HELB: variants seen among roughly 807,000 people sequenced by gnomAD.
HELB encodes DNA 5'-3' helicase B.
In HELB, 96 loss-of-function variants were observed where a neutral mutation model predicts 101.7. That is an observed-to-expected ratio of 0.94 (90% CI 0.80 to 1.12). HELB has a LOEUF of 1.12. HELB is among the 50% of genes most tolerant of loss of function. HELB has a pLI of 0.00. For synonymous variants in HELB, 437 were observed against 459.7 expected (o/e 0.95, Z 0.63); for missense variants, 1,210 against 1,291.9 (o/e 0.94, Z 0.97).
chr12:66,304,965 T>A lies in HELB; in HGVS notation c.422T>A (p.Val141Asp). ...GAGTGTGAGGTCTCCAGTGATGATG[T>A]TAATAAATTTTTAACATGGGTAAAG... Reference protein sequence around the residue: ...LKECEVSSDDVNKFLTWVKEV... With the variant: ...LKECEVSSDDDNKFLTWVKEV... Residue 141 changes from valine (V) to aspartate (D), a missense_variant, in exon 2 of 13, where the codon GTT (valine) becomes GAT (aspartate). Val to Asp is a radical substitution (Grantham distance 152, BLOSUM62 -3). Around this residue, in one of 2 missense-constraint regions of HELB, gnomAD observed 470 missense variants for 563.1 expected, o/e 0.83. Transcript: ENST00000247815. 3.7e-6 allele frequency: 6 copies of A among 1,614,056 alleles called. No individual in the cohort carries two copies. Among genetic ancestry groups the A allele is most frequent in the Non-Finnish European group, 5.1e-6 (6 of 1,179,964 alleles).
chr12:66,310,616 C>T lies in HELB; in HGVS notation c.1680+8C>T. The stretch of plus-strand genomic sequence containing the variant: ...GCCTACACACTGTGTCAGGTAAAAC[C>T]TTTGACATTTCATCTGTAGATAAAA... On this transcript the variant is annotated splice_region_variant and intron_variant, in intron 4 of 12. Transcript: ENST00000247815. 1 of 1,598,862 alleles carries T rather than the reference C, an allele frequency of 6.3e-7. No homozygotes were observed. Among genetic ancestry groups the T allele is most frequent in the Non-Finnish European group, 8.5e-7 (1 of 1,174,052 alleles).
At chr12:66,339,622 A>G (rs1466508834), downstream of HELB, 1 of 152,230 alleles carries the variant, frequency 6.6e-6, no homozygotes, top group African/African-American at 2.4e-5. Flanking sequence ...TTAGCTGGGA[A>G]TGGTGGCGCA....
At chr12:66,316,791 G>A (rs1028853057) in intron 6 of HELB, among the ~76,000 whole-genome samples, 11 of 151,712 alleles carry the variant, frequency 7.3e-5, no homozygotes, top group Non-Finnish European at 1.2e-4. Flanking sequence ...AGGCCGAGGC[G>A]GGTGGATCAC....
chr12:66,306,950 A>G lies in HELB; in HGVS notation c.777+436A>G, dbSNP rs185634112. On this transcript the variant is annotated intron_variant, in intron 3 of 12. Transcript: ENST00000247815. ...GAACTATTGACAATTTTCATTATTC[A>G]TGTGGTATATCATGGTGTCATTTGA... Among the ~76,000 whole-genome samples, 665 of 152,226 alleles carry G rather than the reference A, an allele frequency of 4.4e-3. 13 individuals carry two copies. Among genetic ancestry groups the G allele is most frequent in the Non-Finnish European group, 1.5e-3 (104 of 68,010 alleles).
rs1263161757 is a variant in HELB at position 66,318,516 on chromosome 12, A to T, written c.2001-122A>T. The T allele has an allele frequency of 8.5e-6, 7 of 827,904 alleles. No homozygotes were observed. The East Asian group carries it at 2.0e-4, about 24-fold the overall frequency. 51.3% of individuals were successfully genotyped at this position (827,904 alleles called of 1,614,324 possible). ...ACTATTTATAATGCATACCTGGATG[A>T]CCTTTTCTCTCTGTTATCTATTAAT... On this transcript the variant is annotated intron_variant, in intron 6 of 12. Coordinates refer to ENST00000247815, the MANE Select transcript of HELB (RefSeq NM_001370285.1).
rs1295579012 is a variant in HELB at position 66,313,970 on chromosome 12, C to G, written c.1681-16C>G. The stretch of plus-strand genomic sequence containing the variant: ...TTTTATAACCTGACTTTAGGAATGC[C>G]ATACTTTGCTTGTAGGTCAATTATA... On this transcript the variant is annotated splice_polypyrimidine_tract_variant and intron_variant, in intron 4 of 12. Transcript: ENST00000247815. 23 of 1,611,070 alleles carry G rather than the reference C, an allele frequency of 1.4e-5. No homozygotes were observed. The highest frequency in any genetic ancestry group is 2.0e-5 in the Non-Finnish European group (23 of 1,177,738).
chr12:66,315,709 G>A lies in HELB; in HGVS notation c.2000+326G>A, dbSNP rs535210266. ...GAGATTTGGAAATAAGTTCATTTAC[G>A]TGCAAGGGAGAATTGGGGAAGAAAT... On this transcript the variant is annotated intron_variant, in intron 6 of 12. Coordinates refer to ENST00000247815, the MANE Select transcript of HELB (RefSeq NM_001370285.1). Among the ~76,000 whole-genome samples the A allele has an allele frequency of 9.2e-5, 14 of 152,252 alleles. No homozygotes were observed. The South Asian group carries it at 1.0e-3, about 11-fold the overall frequency.
intron 10 of HELB, chr12:66,324,770 C>A: frequency 1.9e-6 from 1 of 518,344 alleles, no homozygotes; most frequent in Non-Finnish European, 3.4e-6. Flanking sequence ...AGATAAGTTT[C>A]AAAGACTGAA....
At chr12:66,313,333 G>C (rs1030479609) in intron 4 of HELB, among the ~76,000 whole-genome samples, 1 of 152,186 alleles carries the variant, frequency 6.6e-6, no homozygotes, top group East Asian at 1.9e-4. Context: ...AAGGATTTTG[G>C]ATTTTGAATT....
chr12:66,343,421 C>T (rs2053931475), intron 13 of HELB: 1 of 152,178 alleles, frequency 6.6e-6, no homozygotes, highest in Non-Finnish European at 1.5e-5. Context: ...CAGGCCTGCA[C>T]CACCTCACCT....
intron 4 of HELB, among the ~76,000 whole-genome samples, chr12:66,311,545 C>T (rs887921488): frequency 5.3e-5 from 8 of 152,094 alleles, no homozygotes; most frequent in Non-Finnish European, 1.2e-4. Flanking sequence ...ATCTGTTTCT[C>T]ATGGGGGCTG....
intron 11 of HELB, among the ~76,000 whole-genome samples, chr12:66,327,713 A>G (rs1328681225): frequency 1.3e-5 from 2 of 152,216 alleles, no homozygotes; most frequent in Admixed American, 6.5e-5. Flanking sequence ...AGGTCAGTCT[A>G]TAAAACAGAC....
chr12:66,324,275 C>T (rs2053710200), intron 10 of HELB, 64 bp downstream of exon 10: 1 of 1,119,952 alleles, frequency 8.9e-7, no homozygotes, highest in Non-Finnish European at 1.3e-6. Context: ...ATTTTATTGT[C>T]CTAGGATTCA....
At chr12:66,307,115 G>T (rs922454604) in intron 3 of HELB, among the ~76,000 whole-genome samples, 6 of 152,198 alleles carry the variant, frequency 3.9e-5, no homozygotes, top group African/African-American at 1.4e-4. Context: ...GGTAGTTCTT[G>T]CTTATAAGGT....
At chr12:66,334,461 CA>C (rs1186018346) in intron 12 of HELB, among the ~76,000 whole-genome samples, 3 of 77,716 alleles carry the variant, frequency 3.9e-5, no homozygotes, top group Admixed American at 1.6e-4. Flanking sequence ...AACCCTGTCT[CA>C]AAAAAAAAGA....
chr12:66,327,066 AAT>A (rs1555167520), intron 11 of HELB, among the ~76,000 whole-genome samples: 17 of 46,818 alleles, frequency 3.6e-4, no homozygotes, highest in South Asian at 9.0e-4. Context: ...AAAAAAAAAA[AAT>A]ATATATATAT....
At chr12:66,327,523 G>A (rs749284085) in intron 11 of HELB, among the ~76,000 whole-genome samples, 66 of 151,682 alleles carry the variant, frequency 4.4e-4, no homozygotes, top group African/African-American at 1.2e-3. Flanking sequence ...GAGTAAAGGT[G>A]TCTTTATTAT....
rs201665551 is a variant in HELB at position 66,331,660 on chromosome 12, T to G, written c.3162+15T>G. On this transcript the variant is annotated intron_variant, in intron 12 of 12. Coordinates refer to ENST00000247815, the MANE Select transcript of HELB (RefSeq NM_001370285.1). ...AAATTTTTATGGTAGGAGTGATGTT[T>G]CCATGTTCCCAAGTTTTATTTAAAT... 3.4e-4 allele frequency: 536 copies of G among 1,576,818 alleles called. No individual in the cohort carries two copies. The highest frequency in any genetic ancestry group is 3.3e-4 in the Non-Finnish European group (381 of 1,168,308).
At chr12:66,324,835 A>T in intron 10 of HELB, 148 bp from the exon 11 acceptor site, 1 of 898,938 alleles carries the variant, frequency 1.1e-6, no homozygotes, top group South Asian at 1.5e-5. Flanking sequence ...GTTTGTGCTG[A>T]AATGCAAATT....
Sources: allele counts gnomAD v4.1 joint callset (sites outside exome capture counted in the v4.1 genomes callset), GRCh38; gene constraint gnomAD v4.1.1; regional missense constraint gnomAD v4.1.1; transcripts MANE v1.5; gene names NCBI Gene and HGNC (gene_info 2026-07-23, HGNC 2026-07-21).